NCKAP5: variants seen among roughly 807,000 people sequenced by gnomAD.
NCKAP5 encodes the protein nck-associated protein 5.
Under a neutral mutation model 167.0 loss-of-function variants are expected in NCKAP5, and 92 were observed. That is an observed-to-expected ratio of 0.55 (90% CI 0.47 to 0.66). The LOEUF (loss-of-function observed/expected upper bound fraction) is 0.66. Ranked by LOEUF, NCKAP5 falls within the 30% of genes least tolerant of loss-of-function variation. The pLI, the probability that NCKAP5 is intolerant of heterozygous loss-of-function variation, is 0.00. For synonymous variants in NCKAP5, 891 were observed against 877.4 expected, an observed-to-expected ratio of 1.02 and a Z score of -0.27; for missense variants, 2,378 against 2,315.0, an observed-to-expected ratio of 1.03 and a Z score of -0.56.
intron 2 of NCKAP5, among the ~76,000 whole-genome samples, chr2:133,550,649 TG>T (rs1687207649): frequency 8.8e-6 from 1 of 113,666 alleles, no homozygotes; most frequent in Non-Finnish European, 1.8e-5. Flanking sequence ...TCATACTGAA[TG>T]GGCAAAAACT....
At chr2:133,569,361 T>C (rs529464400), upstream of NCKAP5, among the ~76,000 whole-genome samples, 3 of 152,268 alleles carry the variant, frequency 2.0e-5, no homozygotes, top group South Asian at 6.2e-4. Flanking sequence ...TCCAGCCCAC[T>C]GTTTTCCTTC....
intron 5 of NCKAP5, among the ~76,000 whole-genome samples, chr2:133,177,798 G>A (rs1574281949): frequency 6.6e-6 from 1 of 152,114 alleles, no homozygotes; most frequent in Non-Finnish European, 1.5e-5. Context: ...AATGTAAGTG[G>A]AGACCACCTG....
At chr2:132,869,079 T>TG in intron 9 of NCKAP5, 105 bp from the exon 10 acceptor site, 1 of 712,924 alleles carries the variant, frequency 1.4e-6, no homozygotes, top group Non-Finnish European at 2.2e-6. Flanking sequence ...GCTAATTAGC[T>TG]CCTCATTTGC....
the NCKAP5 span, among the ~76,000 whole-genome samples, chr2:133,633,277 C>A: frequency 3.2e-4 from 48 of 152,318 alleles, no homozygotes; most frequent in Middle Eastern, 3.4e-3. Flanking sequence ...AAATGGCAGC[C>A]TTTGTCAATC....
At chr2:132,968,220 A>C (rs1360327977) in intron 7 of NCKAP5, among the ~76,000 whole-genome samples, 2 of 152,224 alleles carry the variant, frequency 1.3e-5, no homozygotes, top group Non-Finnish European at 2.9e-5. Context: ...GGGGAGTGGT[A>C]GGTTCTGATT....
intron 6 of NCKAP5, among the ~76,000 whole-genome samples, chr2:133,087,351 T>C (rs1387135484): frequency 4.6e-5 from 7 of 152,224 alleles, no homozygotes; most frequent in Admixed American, 4.6e-4. Flanking sequence ...AAAAAATTGC[T>C]CCTTCTCTTT....
intron 3 of NCKAP5, among the ~76,000 whole-genome samples, chr2:133,383,068 A>G (rs1281371356): frequency 6.6e-6 from 1 of 152,076 alleles, no homozygotes; most frequent in Non-Finnish European, 1.5e-5. Flanking sequence ...TTTTTTAAAA[A>G]AAATTTTTTT....
intron 2 of NCKAP5, among the ~76,000 whole-genome samples, chr2:133,533,162 G>A (rs2104838427): frequency 6.6e-6 from 1 of 152,318 alleles, no homozygotes; most frequent in African/African-American, 2.4e-5. Flanking sequence ...TAATATGTTG[G>A]GAAGGTAACG....
Position 132,916,153 on chromosome 2 carries a change from C to CT in NCKAP5, c.580-37238dup, listed in dbSNP as rs925712477. ...TATTCATGTTTGCAGAGGCTGCCCT[C>CT]TTTTTTTTTAACAGCAAGCAAAGAT... is the stretch of plus-strand genomic sequence containing the variant. On this transcript the variant is annotated intron_variant, in intron 8 of 19. Transcript: ENST00000409261. 2.9e-4 allele frequency among the ~76,000 whole-genome samples: 44 copies of CT among 150,834 alleles called. No individual in the cohort carries two copies. In the South Asian group the frequency reaches 3.8e-3, roughly 13 times the overall value.
chr2:132,867,688 G>C (rs551850722), intron 10 of NCKAP5, among the ~76,000 whole-genome samples: 1 of 152,262 alleles, frequency 6.6e-6, no homozygotes, highest in South Asian at 2.1e-4. Context: ...CCTTGAAAAT[G>C]GGGCCACATT....
intron 5 of NCKAP5, among the ~76,000 whole-genome samples, chr2:133,147,718 C>T (rs892220150): frequency 1.3e-4 from 20 of 152,220 alleles, no homozygotes; most frequent in African/African-American, 4.8e-4. Flanking sequence ...TGGGTACACC[C>T]TGACCTTTCA....
the NCKAP5 span, among the ~76,000 whole-genome samples, chr2:133,642,322 G>A: frequency 6.6e-6 from 1 of 152,138 alleles, no homozygotes; most frequent in Non-Finnish European, 1.5e-5. Context: ...ATTTCAACCT[G>A]AGTTTTTGCA....
At chr2:132,821,943 G>C (rs980656289) in intron 11 of NCKAP5, among the ~76,000 whole-genome samples, 1 of 152,162 alleles carries the variant, frequency 6.6e-6, no homozygotes, top group African/African-American at 2.4e-5. Flanking sequence ...TGCCCTGGTA[G>C]CTGAACACAA....
intron 3 of NCKAP5, among the ~76,000 whole-genome samples, chr2:133,304,101 G>A (rs1680601265): frequency 6.6e-6 from 1 of 152,070 alleles, no homozygotes; most frequent in Admixed American, 6.6e-5. Flanking sequence ...AAATAAACTG[G>A]GAACTTTGAT....
intron 5 of NCKAP5, among the ~76,000 whole-genome samples, chr2:133,137,406 T>TGTGTGTG (rs2082828771): frequency 5.1e-5 from 7 of 136,204 alleles, no homozygotes; most frequent in African/African-American, 1.7e-4. Flanking sequence ...GAGCTTGGTT[T>TGTGTGTG]TGTGTGTGTG....
At chr2:133,416,769 C>T (rs1237064028) in intron 3 of NCKAP5, among the ~76,000 whole-genome samples, 1 of 152,170 alleles carries the variant, frequency 6.6e-6, no homozygotes, top group Non-Finnish European at 1.5e-5. Context: ...AGCTCAGACT[C>T]ACCATTCCGA....
At chr2:133,080,387 G>GT (rs1272325398) in intron 6 of NCKAP5, among the ~76,000 whole-genome samples, 1 of 152,042 alleles carries the variant, frequency 6.6e-6, no homozygotes, top group Admixed American at 6.6e-5. Context: ...AGGTTAAATG[G>GT]TATACTCGAG....
chr2:132,983,233 C>G (rs771599666), intron 7 of NCKAP5, among the ~76,000 whole-genome samples: 10 of 152,118 alleles, frequency 6.6e-5, no homozygotes, highest in Non-Finnish European at 1.5e-4. Context: ...TTCCTAGGTA[C>G]AGAAGCATAT....
At chr2:133,658,275 T>C in the NCKAP5 span, among the ~76,000 whole-genome samples, 5 of 152,264 alleles carry the variant, frequency 3.3e-5, no homozygotes, top group Non-Finnish European at 7.4e-5. Context: ...CAGGCAATCC[T>C]CACCAATTTG....
Sources: allele counts gnomAD v4.1 joint callset (sites outside exome capture counted in the v4.1 genomes callset), GRCh38; gene constraint gnomAD v4.1.1; transcripts MANE v1.5; gene names NCBI Gene and HGNC (gene_info 2026-07-23, HGNC 2026-07-21).